Variants in RBM47 observed in about 807,000 individuals in gnomAD.
RBM47 encodes the protein RNA binding motif protein 47.
RBM47 carries 21 observed loss-of-function variants against 47.1 expected under a neutral mutation model. The observed-to-expected ratio is 0.45, with a 90% CI of 0.32 to 0.64. RBM47 has a LOEUF of 0.64. Among genes scored for constraint, RBM47 ranks in the 30% least tolerant of loss-of-function variants. RBM47 has a pLI of 0.05. For synonymous variants in RBM47, 375 were observed against 361.7 expected, an observed-to-expected ratio of 1.04 and a Z score of -0.42; for missense variants, 708 against 870.9, an observed-to-expected ratio of 0.81 and a Z score of 2.35.
At chr4:40,580,341 T>C (rs1732764857) in intron 1 of RBM47, among the ~76,000 whole-genome samples, 1 of 152,100 alleles carries the variant, frequency 6.6e-6, no homozygotes, top group Non-Finnish European at 1.5e-5. Flanking sequence ...ATAATCAAAC[T>C]GAACAACAAA....
chr4:40,481,987 T>C (rs967809871), intron 2 of RBM47, among the ~76,000 whole-genome samples: 4 of 152,178 alleles, frequency 2.6e-5, no homozygotes, highest in Non-Finnish European at 5.9e-5. Flanking sequence ...CGCCCGGCCA[T>C]GATGTGGTTT....
chr4:40,618,202 CA>C (rs1736916383), intron 1 of RBM47, among the ~76,000 whole-genome samples: 2 of 151,602 alleles, frequency 1.3e-5, no homozygotes, highest in African/African-American at 4.8e-5. Flanking sequence ...ATGATTGTAC[CA>C]CACTCCAGCC....
intron 2 of RBM47, among the ~76,000 whole-genome samples, chr4:40,488,074 C>A (rs1344708997): frequency 6.6e-6 from 1 of 152,062 alleles, no homozygotes. Flanking sequence ...GTAATCCCAG[C>A]ACTCTGGGAG....
At chr4:40,505,684 G>A (rs1292368160) in intron 2 of RBM47, among the ~76,000 whole-genome samples, 2 of 151,074 alleles carry the variant, frequency 1.3e-5, no homozygotes, top group Admixed American at 6.6e-5. Context: ...TCAGGAGTTC[G>A]AGACTAGCCT....
intron 1 of RBM47, among the ~76,000 whole-genome samples, chr4:40,561,227 CTT>C (rs1176318537): frequency 2.4e-4 from 27 of 113,612 alleles, no homozygotes; most frequent in South Asian, 5.9e-4. Flanking sequence ...TTTCCATTGT[CTT>C]TTTTTTTTTT....
chr4:40,622,568 C>G (rs1050200788), intron 1 of RBM47, among the ~76,000 whole-genome samples: 1 of 152,100 alleles, frequency 6.6e-6, no homozygotes, highest in Non-Finnish European at 1.5e-5. Context: ...GGGACTGACA[C>G]GAGCTGACTT....
intron 1 of RBM47, among the ~76,000 whole-genome samples, chr4:40,545,259 G>T (rs896936009): frequency 6.7e-6 from 1 of 150,340 alleles, no homozygotes; most frequent in Non-Finnish European, 1.5e-5. Context: ...CACCATGTTG[G>T]TCAGGCTGGT....
intron 3 of RBM47, among the ~76,000 whole-genome samples, chr4:40,456,547 T>G (rs1173629730): frequency 1.5e-5 from 2 of 133,310 alleles, no homozygotes; most frequent in African/African-American, 5.2e-5. Flanking sequence ...TCCCATTTTC[T>G]TTTTTTTTTT....
chr4:40,438,495 G>A lies in RBM47; in HGVS notation c.399C>T (p.Asn133=). The change falls in exon 4 of 7, where the codon AAC becomes AAT. Residue 133 remains asparagine (N), a synonymous_variant. Transcript: ENST00000295971. The part of the protein sequence containing the change: ...EAKRAVRELN[N]YEIRPGRLLG... ...GCAGGCGGCCCGGGCGGATCTCGTAGTTGTTGAGCTCACGCACTGCGCGCT... is the reference window on the plus strand; with the variant it reads ...GCAGGCGGCCCGGGCGGATCTCGTAATTGTTGAGCTCACGCACTGCGCGCT... 1 of 1,613,650 alleles carries A rather than the reference G, an allele frequency of 6.2e-7. No individual in the cohort carries two copies. The highest frequency in any genetic ancestry group is 2.2e-5 in the East Asian group (1 of 44,878).
chr4:40,576,594 G>T (rs1732360568), intron 1 of RBM47, among the ~76,000 whole-genome samples: 1 of 152,096 alleles, frequency 6.6e-6, no homozygotes, highest in South Asian at 2.1e-4. Flanking sequence ...AAGAGACAGG[G>T]TCTCACTCTA....
At chr4:40,495,708 CTAA>C (rs1722474491) in intron 2 of RBM47, among the ~76,000 whole-genome samples, 1 of 152,116 alleles carries the variant, frequency 6.6e-6, no homozygotes, top group African/African-American at 2.4e-5. Flanking sequence ...TGGTGCTAAT[CTAA>C]CATTTCTTTG....
At chr4:40,505,731 C>CA (rs527797923) in intron 2 of RBM47, among the ~76,000 whole-genome samples, 14,522 of 143,320 alleles carry the variant, frequency 0.1, 992 homozygotes, top group African/African-American at 0.2. Context: ...ACTAAAAATA[C>CA]AAAAAAAAAA....
chr4:40,504,953 TG>T (rs1397160092), intron 2 of RBM47, among the ~76,000 whole-genome samples: 1 of 152,210 alleles, frequency 6.6e-6, no homozygotes, highest in Non-Finnish European at 1.5e-5. Context: ...AATTGTTGTT[TG>T]TATTTTGTTT....
intron 1 of RBM47, among the ~76,000 whole-genome samples, chr4:40,613,127 T>C (rs1736394656): frequency 6.6e-6 from 1 of 152,246 alleles, no homozygotes; most frequent in East Asian, 1.9e-4. Context: ...GTTCATTTAA[T>C]ATAAGTGTCT....
intron 1 of RBM47, among the ~76,000 whole-genome samples, chr4:40,622,188 A>C (rs1057361199): frequency 6.6e-6 from 1 of 152,244 alleles, no homozygotes; most frequent in Admixed American, 6.5e-5. Context: ...ATAATAGGTC[A>C]CACAATTACA....
intron 1 of RBM47, among the ~76,000 whole-genome samples, chr4:40,581,459 A>AAT (rs985456536): frequency 6.9e-6 from 1 of 144,152 alleles, no homozygotes; most frequent in African/African-American, 2.9e-5. Flanking sequence ...TAAATAAATA[A>AAT]ATAAATAAAA....
intron 3 of RBM47, among the ~76,000 whole-genome samples, chr4:40,445,273 CAAAA>C (rs35418476): frequency 2.1e-4 from 22 of 106,614 alleles, no homozygotes; most frequent in Non-Finnish European, 3.9e-5. Context: ...GACTCCGTCT[CAAAA>C]AAAAAAAAAA....
chr4:40,477,182 C>CA (rs1719740766), intron 2 of RBM47, among the ~76,000 whole-genome samples: 3 of 151,930 alleles, frequency 2.0e-5, no homozygotes, highest in African/African-American at 7.3e-5. Flanking sequence ...GACTCCGTCT[C>CA]GAAAAACAAA....
rs539483791 is a variant in RBM47 at position 40,430,707 on chromosome 4, T to C, written c.1542+1944A>G. Among the ~76,000 whole-genome samples, 3 of 152,248 alleles carry C rather than the reference T, an allele frequency of 2.0e-5. 1 individual carries two copies. Among genetic ancestry groups the C allele is most frequent in the South Asian group, 4.1e-4 (2 of 4,830 alleles). ...CAGGCCTGGCTCTGTTTCAGAATCA[T>C]TGAGGAGCTGTGCAAAATATCAATT... On this transcript the variant is annotated intron_variant, in intron 6 of 6. Transcript: ENST00000295971.
Sources: allele counts gnomAD v4.1 joint callset (sites outside exome capture counted in the v4.1 genomes callset), GRCh38; gene constraint gnomAD v4.1.1; transcripts MANE v1.5; gene names NCBI Gene and HGNC (gene_info 2026-07-23, HGNC 2026-07-21).